The following TMEM74 variants were observed in gnomAD, a reference collection of about 807,000 sequenced individuals.
The protein encoded by TMEM74 is transmembrane protein 74.
In TMEM74, 13 loss-of-function variants were observed where a neutral mutation model predicts 18.1. That is an observed-to-expected ratio of 0.72 (90% CI 0.47 to 1.14). TMEM74 has a LOEUF of 1.14. TMEM74 is among the 50% of genes most tolerant of loss of function. The pLI is 0.00. For synonymous variants in TMEM74, 159 were observed against 146.6 expected, an observed-to-expected ratio of 1.08 and a Z score of -0.61; for missense variants, 372 against 375.9, an observed-to-expected ratio of 0.99 and a Z score of 0.09.
chr8:108,665,224 G>A (rs1212584264), intron 1 of TMEM74, among the ~76,000 whole-genome samples: 1 of 152,164 alleles, frequency 6.6e-6, no homozygotes, highest in Non-Finnish European at 1.5e-5. Context: ...TTACAGGAGA[G>A]AGGAATAACT....
At chr8:108,692,690 CA>C (rs1813242867) in intron 1 of TMEM74, among the ~76,000 whole-genome samples, 1 of 152,002 alleles carries the variant, frequency 6.6e-6, no homozygotes, top group Non-Finnish European at 1.5e-5. Context: ...CCCCAGCCTG[CA>C]AAAAACCCCC....
chr8:108,728,854 G>A (rs1813666304), intron 1 of TMEM74, among the ~76,000 whole-genome samples: 1 of 152,166 alleles, frequency 6.6e-6, no homozygotes, highest in Non-Finnish European at 1.5e-5. Context: ...AAGAAGCCAT[G>A]TGTTTTTCTA....
At position 108,676,350 on chromosome 8, in the gene TMEM74, A is replaced by G. The variant is rs559356145; in HGVS notation, n.120-20913T>C. Among the ~76,000 whole-genome samples, 5 of 152,094 alleles carry G rather than the reference A, an allele frequency of 3.3e-5. No homozygotes were observed. In the South Asian group the frequency reaches 1.0e-3, roughly 32 times the overall value. On this transcript the variant is annotated intron_variant and non_coding_transcript_variant, in intron 1 of 3. Transcript: ENST00000518838. ...TCTTGTCTCTTACTTCTCTATCTTC[A>G]TCTCCTATGACTCTGCCTCTTGCTG...
chr8:108,662,783 A>G (rs1812913324), intron 1 of TMEM74, among the ~76,000 whole-genome samples: 2 of 152,166 alleles, frequency 1.3e-5, no homozygotes, highest in Non-Finnish European at 1.5e-5. Context: ...TTGCATCTCA[A>G]GAAAAGCAGC....
intron 2 of TMEM74, among the ~76,000 whole-genome samples, chr8:108,653,753 A>G (rs1257077317): frequency 1.3e-5 from 2 of 152,188 alleles, no homozygotes; most frequent in Non-Finnish European, 2.9e-5. Context: ...GTGCTTTTTT[A>G]AAGAAGTATA....
intron 2 of TMEM74, among the ~76,000 whole-genome samples, chr8:108,637,969 A>T (rs1445170409): frequency 6.6e-6 from 1 of 152,138 alleles, no homozygotes; most frequent in African/African-American, 2.4e-5. Context: ...TGTTCTCCTA[A>T]CAGATAGGCT....
downstream of TMEM74, among the ~76,000 whole-genome samples, chr8:108,774,711 G>C (rs1814208855): frequency 6.6e-6 from 1 of 151,888 alleles, no homozygotes; most frequent in African/African-American, 2.4e-5. Context: ...AAAGTAAATG[G>C]GCATGGATCT....
chr8:108,647,539 G>A (rs966702419), intron 2 of TMEM74, among the ~76,000 whole-genome samples: 3 of 151,966 alleles, frequency 2.0e-5, no homozygotes, highest in African/African-American at 7.2e-5. Flanking sequence ...AAAAAAGTAT[G>A]GGATTAAAGA....
At chr8:108,651,181 A>G (rs1395502864) in intron 2 of TMEM74, among the ~76,000 whole-genome samples, 1 of 152,058 alleles carries the variant, frequency 6.6e-6, no homozygotes, top group African/African-American at 2.4e-5. Flanking sequence ...AAATGGGATT[A>G]AAAAAAAGTA....
At chr8:108,622,812 T>C (rs1812456715) in intron 2 of TMEM74, among the ~76,000 whole-genome samples, 1 of 152,152 alleles carries the variant, frequency 6.6e-6, no homozygotes, top group Admixed American at 6.6e-5. Flanking sequence ...TTATGCTACA[T>C]ATTTCAGAAT....
intron 1 of TMEM74, among the ~76,000 whole-genome samples, chr8:108,680,772 G>T (rs902897721): frequency 6.6e-6 from 1 of 152,108 alleles, no homozygotes; most frequent in Non-Finnish European, 1.5e-5. Context: ...AAACCCCATC[G>T]TCTTAGCCCA....
chr8:108,761,143 A>T (rs907336889), intron 1 of TMEM74, among the ~76,000 whole-genome samples: 1 of 152,112 alleles, frequency 6.6e-6, no homozygotes, highest in South Asian at 2.1e-4. Context: ...CACCAGTATA[A>T]CTGAAACTAA....
chr8:108,673,456 C>T (rs1221538805), intron 1 of TMEM74, among the ~76,000 whole-genome samples: 1 of 152,146 alleles, frequency 6.6e-6, no homozygotes, highest in African/African-American at 2.4e-5. Context: ...ATATTTTGAG[C>T]CCAGGCTCTA....
intron 1 of TMEM74, among the ~76,000 whole-genome samples, chr8:108,680,869 A>G (rs1813106659): frequency 6.6e-6 from 1 of 152,206 alleles, no homozygotes; most frequent in Non-Finnish European, 1.5e-5. Flanking sequence ...TTATACACCA[A>G]TAACAGACAA....
chr8:108,656,329 A>G (rs374216127), intron 1 of TMEM74, among the ~76,000 whole-genome samples: 1 of 152,168 alleles, frequency 6.6e-6, no homozygotes, highest in African/African-American at 2.4e-5. Flanking sequence ...CAGGGCTCAT[A>G]ATCGGGAAGC....
At position 108,624,533 on chromosome 8, in the gene TMEM74, T is replaced by C. The variant is rs75243879; in HGVS notation, n.265-15707A>G. ...GATTCCAGAATGCTGTCCTCTGACA[T>C]GTCAAAATAGATATGCAAATATATT... On this transcript the variant is annotated intron_variant and non_coding_transcript_variant, in intron 2 of 3. Coordinates refer to the TMEM74 transcript ENST00000518838. 8.8e-3 allele frequency among the ~76,000 whole-genome samples: 1,335 copies of C among 152,214 alleles called. 13 individuals carry two copies. Among genetic ancestry groups the C allele is most frequent in the South Asian group, 0.025 (120 of 4,830 alleles).
intron 1 of TMEM74, among the ~76,000 whole-genome samples, chr8:108,659,254 A>AATACACACACACACACAAACACACACAC (rs1554630405): frequency 6.7e-6 from 1 of 149,756 alleles, no homozygotes; most frequent in Non-Finnish European, 1.5e-5. Context: ...ATAGCCCACT[A>AATACACACACACACACAAACACACACAC]ACACACACAC....
At chr8:108,620,160 C>T (rs992055228) in intron 2 of TMEM74, among the ~76,000 whole-genome samples, 5 of 152,094 alleles carry the variant, frequency 3.3e-5, no homozygotes, top group African/African-American at 1.2e-4. Context: ...GTATGTTATA[C>T]AATAGTTTCA....
At position 108,610,054 on chromosome 8, in the gene TMEM74, C is replaced by G. The variant is rs73316179; in HGVS notation, n.265-1228G>C. 1.2e-4 allele frequency among the ~76,000 whole-genome samples: 18 copies of G among 152,234 alleles called. No homozygotes were observed. The East Asian group carries it at 1.7e-3, about 15-fold the overall frequency. ...TGCATTAAGTACCACCTGAAAAGAT[C>G]ATTAAAAATATAGGTTACAAATGTC... On this transcript the variant is annotated intron_variant and non_coding_transcript_variant, in intron 2 of 3. Transcript: ENST00000518838.
Sources: gnomAD v4.1 joint callset for allele counts (sites outside exome capture counted in the v4.1 genomes callset) on GRCh38, gnomAD v4.1.1 for gene constraint, MANE v1.5 for transcripts, NCBI Gene and HGNC (gene_info 2026-07-23, HGNC 2026-07-21) for gene names.